FN1: variants seen among roughly 807,000 people sequenced by gnomAD.
FN1 encodes fibronectin.
A neutral mutation model predicts 297.3 loss-of-function variants in FN1; 106 were observed. That is an observed-to-expected ratio of 0.36 (90% CI 0.30 to 0.42). FN1 has a LOEUF of 0.42. FN1 is among the 10% of genes least tolerant of loss of function. The probability of loss-of-function intolerance (pLI) is 1.00; values close to 1 mark genes in which losing one functional copy is unlikely to be tolerated. For missense variants in FN1, 2,690 were observed against 3,124.9 expected, an observed-to-expected ratio of 0.86 and a Z score of 3.32; for synonymous variants, 1,149 against 1,152.6, an observed-to-expected ratio of 1.00 and a Z score of 0.06.
rs780368317 is a variant in FN1, at chr2:215,397,882, CA to C, written c.3349-35del. On this transcript the variant is annotated intron_variant, in intron 21 of 45. Transcript: ENST00000354785. ...AGGAATGCAAAGTAAACACCAAGGA[CA>C]AATATTTCCAGAGGACTGTTACTGC... 4.4e-6 allele frequency: 7 copies of C among 1,600,894 alleles called. No homozygotes were observed. The African/African-American group carries it at 5.4e-5, about 12-fold the overall frequency.
At chr2:215,411,665 CTTTT>C (rs11367419) in intron 13 of FN1, among the ~76,000 whole-genome samples, 4 of 120,170 alleles carry the variant, frequency 3.3e-5, no homozygotes, top group Admixed American at 8.9e-5. Context: ...ATTCAATGTA[CTTTT>C]TTTTTTTTTT....
intron 12 of FN1, 74 bp downstream of exon 12, chr2:215,419,168 G>C (rs977898374): frequency 1.5e-6 from 2 of 1,323,336 alleles, no homozygotes; most frequent in Admixed American, 3.4e-5. Context: ...TTAGGCATGA[G>C]AGCATTAATA....
At chr2:215,435,471 C>A (rs1054794904) in intron 1 of FN1, among the ~76,000 whole-genome samples, 184 bp downstream of exon 1, 2 of 152,216 alleles carry the variant, frequency 1.3e-5, no homozygotes, top group African/African-American at 2.4e-5. Flanking sequence ...ACGGTCTTAT[C>A]ATCCCAGGCC....
chr2:215,416,429 G>C (rs1021244767), intron 12 of FN1, among the ~76,000 whole-genome samples: 2 of 152,092 alleles, frequency 1.3e-5, no homozygotes. Flanking sequence ...TGTTTATGAA[G>C]ATCCTTACAA....
intron 17 of FN1, among the ~76,000 whole-genome samples, chr2:215,407,527 C>A (rs1559500955): frequency 6.6e-6 from 1 of 152,140 alleles, no homozygotes; most frequent in African/African-American, 2.4e-5. Context: ...GTCATGCGAA[C>A]CTTTTTAATA....
At chr2:215,377,217 T>C (rs1240391781) in intron 35 of FN1, among the ~76,000 whole-genome samples, 2 of 152,156 alleles carry the variant, frequency 1.3e-5, no homozygotes, top group Admixed American at 6.5e-5. Flanking sequence ...TGAAAAGGCA[T>C]ACATCAAGGT....
At chr2:215,421,489 A>G (rs546763260) in intron 10 of FN1, among the ~76,000 whole-genome samples, 7 of 152,328 alleles carry the variant, frequency 4.6e-5, no homozygotes, top group African/African-American at 1.7e-4. Context: ...CCACAAAAGG[A>G]GAACAAATTC....
chr2:215,384,305 T>G, intron 29 of FN1, 121 bp from the exon 30 acceptor site: 1 of 964,410 alleles, frequency 1.0e-6, no homozygotes, highest in Non-Finnish European at 1.6e-6. Flanking sequence ...TATTCCCTTT[T>G]AAAGAGCGCT....
At chr2:215,422,284 AC>A in intron 9 of FN1, 41 bp from the exon 10 acceptor site, 1 of 1,592,538 alleles carries the variant, frequency 6.3e-7, no homozygotes, top group Non-Finnish European at 8.6e-7. Flanking sequence ...ATAAATGATC[AC>A]CAGGTCTAAA....
intron 29 of FN1, 196 bp downstream of exon 29, chr2:215,384,664 A>G: frequency 1.8e-6 from 1 of 551,874 alleles, no homozygotes; most frequent in South Asian, 2.5e-5. Flanking sequence ...TAGTTGTAGT[A>G]TATAAACAAC....
chr2:215,415,847 T>A (rs1043843274), intron 12 of FN1, among the ~76,000 whole-genome samples: 9 of 152,060 alleles, frequency 5.9e-5, no homozygotes, highest in Admixed American at 3.9e-4. Flanking sequence ...GCTAGAAAAT[T>A]TATGCTTGCA....
At chr2:215,385,038 T>A (rs768223272) in intron 28 of FN1, 62 bp from the exon 29 acceptor site, 35 of 1,146,756 alleles carry the variant, frequency 3.1e-5, no homozygotes, top group Non-Finnish European at 4.5e-5. Flanking sequence ...GATTTACTGT[T>A]TGTTCATTTT....
chr2:215,424,013 T>A, intron 8 of FN1, 133 bp downstream of exon 8: 1 of 898,586 alleles, frequency 1.1e-6, no homozygotes, highest in Admixed American at 1.8e-5. Flanking sequence ...CGCTGCGATC[T>A]CTTGAGTCCA....
At chr2:215,402,861 C>G (rs1204128921) in intron 20 of FN1, among the ~76,000 whole-genome samples, 1 of 152,114 alleles carries the variant, frequency 6.6e-6, no homozygotes, top group African/African-American at 2.4e-5. Flanking sequence ...TATCAGTCTT[C>G]AGAAGTACTT....
At chr2:215,409,845 A>C in intron 14 of FN1, 89 bp downstream of exon 14, 1 of 1,595,282 alleles carries the variant, frequency 6.3e-7, no homozygotes, top group Non-Finnish European at 8.6e-7. Context: ...TCCTGGAAGA[A>C]TATGAATTGA....
intron 6 of FN1, 56 bp from the exon 7 acceptor site, chr2:215,425,341 C>A: frequency 6.6e-7 from 1 of 1,520,936 alleles, no homozygotes; most frequent in Non-Finnish European, 9.1e-7. Flanking sequence ...CAATTCACTA[C>A]TTTCTGCAGT....
intron 26 of FN1, 133 bp from the exon 27 acceptor site, chr2:215,388,434 C>G: frequency 1.4e-6 from 1 of 724,930 alleles, no homozygotes; most frequent in East Asian, 2.6e-5. Flanking sequence ...TAAGTGAACA[C>G]TACAGCGAAG....
intron 29 of FN1, 77 bp from the exon 30 acceptor site, chr2:215,384,261 AT>A: frequency 7.4e-7 from 1 of 1,348,644 alleles, no homozygotes; most frequent in Non-Finnish European, 1.1e-6. Context: ...GAATTACCAC[AT>A]TTATAGCAGC....
In FN1 at chr2:215,372,444, T is replaced by C. The variant is rs562067856; in HGVS notation, c.6248-69A>G. The stretch of plus-strand genomic sequence containing the variant: ...CTCCAGGAAGTAGCAGCAATGATAA[T>C]AATCGATTCAGGCAACAATGACTGT... On this transcript the variant is annotated intron_variant, in intron 39 of 45. Transcript: ENST00000354785. 126 of 1,151,782 alleles carry C rather than the reference T, an allele frequency of 1.1e-4. 1 individual carries two copies. The highest frequency in any genetic ancestry group is 8.6e-4 in the South Asian group (70 of 81,264). 71.3% of individuals were successfully genotyped at this position (1,151,782 alleles called of 1,614,324 possible). A position where few individuals can be genotyped will look rare whatever the true frequency, so the allele number is the denominator to read the frequency against.
Sources: allele counts gnomAD v4.1 joint callset (sites outside exome capture counted in the v4.1 genomes callset), GRCh38; gene constraint gnomAD v4.1.1; transcripts MANE v1.5; gene names NCBI Gene and HGNC (gene_info 2026-07-23, HGNC 2026-07-21).